ADAM10: variants seen among roughly 807,000 people sequenced by gnomAD.
ADAM10 encodes ADAM metallopeptidase domain 10, also known as disintegrin and metalloproteinase domain-containing protein 10.
In ADAM10, 17 loss-of-function variants were observed where a neutral mutation model predicts 90.1. The ratio of observed to expected loss-of-function variants is 0.19; its 90% CI spans 0.13 to 0.28. The LOEUF (loss-of-function observed/expected upper bound fraction) is 0.28. Among genes scored for constraint, ADAM10 ranks in the 10% least tolerant of loss-of-function variants. The pLI is 1.00. For synonymous variants in ADAM10, 310 were observed against 298.6 expected, an observed-to-expected ratio of 1.04 and a Z score of -0.40; for missense variants, 610 against 914.3, an observed-to-expected ratio of 0.67 and a Z score of 4.29.
At chr15:58,705,758 T>G (rs758732470) in intron 2 of ADAM10, among the ~76,000 whole-genome samples, 7 of 152,202 alleles carry the variant, frequency 4.6e-5, no homozygotes, top group Non-Finnish European at 8.8e-5. Flanking sequence ...AGTAGTCCCC[T>G]CTTACCCACA....
chr15:58,615,539 C>T (rs559293808), intron 11 of ADAM10, among the ~76,000 whole-genome samples: 1 of 152,276 alleles, frequency 6.6e-6, no homozygotes, highest in Non-Finnish European at 1.5e-5. Flanking sequence ...CCCGGCTCGG[C>T]CTCCCAAACA....
At position 58,626,225 on chromosome 15, in the gene ADAM10, C is replaced by CTACA. The variant is rs371906364; in HGVS notation, c.1360+1471_1360+1474dup. On this transcript the variant is annotated intron_variant, in intron 10 of 15. Coordinates refer to ENST00000260408, the MANE Select transcript of ADAM10 (RefSeq NM_001110.4). Reference sequence around the variant, plus strand: ...TCAACATCCTGGTCATGATATTGTACTACAGTCTTGCAAGGCATTACCATC... The same window carrying CTACA: ...TCAACATCCTGGTCATGATATTGTACTACATACAGTCTTGCAAGGCATTACCATC... Among the ~76,000 whole-genome samples the CTACA allele has an allele frequency of 1.9e-3, 294 of 151,850 alleles. 1 individual carries two copies. Among genetic ancestry groups the CTACA allele is most frequent in the African/African-American group, 6.8e-3 (283 of 41,400 alleles).
chr15:58,631,020 G>A (rs1173316951), intron 9 of ADAM10, among the ~76,000 whole-genome samples: 1 of 151,986 alleles, frequency 6.6e-6, no homozygotes, highest in Non-Finnish European at 1.5e-5. Context: ...GCAAGAGCTG[G>A]CTGTTAAGAG....
intron 2 of ADAM10, among the ~76,000 whole-genome samples, chr15:58,698,733 T>C (rs1255890106): frequency 6.6e-6 from 1 of 152,086 alleles, no homozygotes; most frequent in Non-Finnish European, 1.5e-5. Context: ...TTAAGACAGG[T>C]ATTTTGAAAT....
intron 5 of ADAM10, among the ~76,000 whole-genome samples, chr15:58,650,528 A>G (rs868167475): frequency 6.6e-6 from 1 of 152,084 alleles, no homozygotes; most frequent in Non-Finnish European, 1.5e-5. Context: ...ATCCTAAACA[A>G]TATTTTCATC....
chr15:58,608,666 T>A (rs16940595), intron 14 of ADAM10, among the ~76,000 whole-genome samples: 1 of 152,228 alleles, frequency 6.6e-6, no homozygotes, highest in African/African-American at 2.4e-5. Context: ...GGACTTCATG[T>A]TGCCAATTCA....
At chr15:58,636,194 T>C (rs1174124076) in intron 8 of ADAM10, among the ~76,000 whole-genome samples, 2 of 152,006 alleles carry the variant, frequency 1.3e-5, no homozygotes, top group Non-Finnish European at 2.9e-5. Flanking sequence ...GGGGAATCAT[T>C]TGAACCCAGG....
chr15:58,611,262 CATAA>C, intron 12 of ADAM10, 155 bp from the exon 13 acceptor site: 2 of 629,670 alleles, frequency 3.2e-6, no homozygotes, highest in Non-Finnish European at 2.8e-6. Flanking sequence ...AACTGAATTA[CATAA>C]ATACATTTGA....
At chr15:58,607,797 A>G (rs548837926) in intron 14 of ADAM10, among the ~76,000 whole-genome samples, 1 of 152,340 alleles carries the variant, frequency 6.6e-6, no homozygotes, top group African/African-American at 2.4e-5. Flanking sequence ...CATTTGAACA[A>G]TAAAAGTCAA....
intron 12 of ADAM10, chr15:58,611,506 A>G (rs1282997853): frequency 2.9e-6 from 1 of 340,868 alleles, no homozygotes; most frequent in Non-Finnish European, 5.3e-6. Context: ...ATGACCAAAG[A>G]GTTCTTTTAT....
Position 58,592,570 on chromosome 15 carries a change from G to A in ADAM10, c.*4977C>T, listed in dbSNP as rs1460988771. On this transcript the variant is annotated 3_prime_UTR_variant, in exon 16 of 16. Transcript: ENST00000260408. ...GGTGGAATTAGTGATTTATCCAAAG[G>A]AGTCTGGTTCCCTTGAAGAAAAATG... is the stretch of plus-strand genomic sequence containing the variant. 6.6e-6 allele frequency: 1 copy of A among 152,046 alleles called. No homozygotes were observed. The highest frequency in any genetic ancestry group is 6.6e-5 in the Admixed American group (1 of 15,254). 9.4% of individuals were successfully genotyped at this position (152,046 alleles called of 1,614,324 possible). A position where few individuals can be genotyped will look rare whatever the true frequency, so the allele number is the denominator to read the frequency against.
chr15:58,673,219 G>C (rs1752773392), intron 4 of ADAM10, among the ~76,000 whole-genome samples: 2 of 152,096 alleles, frequency 1.3e-5, no homozygotes, highest in Admixed American at 1.3e-4. Context: ...AACTTTGCCT[G>C]AAACAGTATG....
intron 5 of ADAM10, 46 bp from the exon 6 acceptor site, chr15:58,646,250 T>C (rs1260337453): frequency 6.4e-7 from 1 of 1,552,516 alleles, no homozygotes; most frequent in Admixed American, 1.7e-5. Context: ...GCTTCAATAC[T>C]ATCATTTTAT....
chr15:58,673,729 CTT>C (rs1370506828), intron 4 of ADAM10, among the ~76,000 whole-genome samples: 2 of 148,372 alleles, frequency 1.3e-5, no homozygotes, highest in Admixed American at 6.9e-5. Context: ...CTCACTGTCT[CTT>C]TCTCTCTCTT....
chr15:58,718,682 G>A (rs758619216), intron 1 of ADAM10, among the ~76,000 whole-genome samples: 3 of 152,088 alleles, frequency 2.0e-5, no homozygotes, highest in Admixed American at 6.6e-5. Flanking sequence ...ACCAGGTACC[G>A]TTCAATCTAA....
chr15:58,653,116 GTGGAGTCTA>G (rs1487249960), intron 5 of ADAM10, among the ~76,000 whole-genome samples: 14 of 152,112 alleles, frequency 9.2e-5, no homozygotes, highest in Middle Eastern at 3.2e-3. Flanking sequence ...TAGTTTTTTG[GTGGAGTCTA>G]TGGGTTTTTC....
At chr15:58,708,238 G>C (rs748033486) in intron 2 of ADAM10, among the ~76,000 whole-genome samples, 22 of 152,100 alleles carry the variant, frequency 1.4e-4, no homozygotes, top group Non-Finnish European at 2.5e-4. Context: ...TTGACCAAGA[G>C]CACACAAAAT....
Position 58,593,289 on chromosome 15 carries a change from C to T in ADAM10, c.*4258G>A, listed in dbSNP as rs1017996956. ...CTGCCTCCTGGGTTCAAGCAAATCT[C>T]CTGCCTCTGCCTCCCGGGTTCAAGC... On this transcript the variant is annotated 3_prime_UTR_variant, in exon 16 of 16. Transcript: ENST00000260408. 1.3e-5 allele frequency: 2 copies of T among 149,996 alleles called. No individual in the cohort carries two copies. The highest frequency in any genetic ancestry group is 4.9e-5 in the African/African-American group (2 of 40,790). The allele number at this position is 149,996 out of a possible 1,614,324, so 9.3% of individuals were successfully genotyped here.
At chr15:58,602,086 C>T (rs187005612) in intron 14 of ADAM10, among the ~76,000 whole-genome samples, 181 of 152,162 alleles carry the variant, frequency 1.2e-3, no homozygotes, top group Middle Eastern at 3.4e-3. Flanking sequence ...ATGTAAATAT[C>T]CTGTTCTTCA....
Sources: gnomAD v4.1 joint callset for allele counts (sites outside exome capture counted in the v4.1 genomes callset) on GRCh38, gnomAD v4.1.1 for gene constraint, MANE v1.5 for transcripts, NCBI Gene and HGNC (gene_info 2026-07-23, HGNC 2026-07-21) for gene names.